Variants in ASB11 observed in about 807,000 individuals in gnomAD.
ASB11 encodes the protein ankyrin repeat and SOCS box protein 11.
Under a neutral mutation model 20.1 loss-of-function variants are expected in ASB11, and 17 were observed. The observed-to-expected ratio is 0.85, with a 90% CI of 0.58 to 1.27. ASB11 has a LOEUF of 1.27. Ranked by LOEUF, ASB11 falls within the 50% of genes most tolerant of loss-of-function variation. ASB11 has a pLI of 0.00. For synonymous variants in ASB11, 107 were observed against 105.6 expected, an observed-to-expected ratio of 1.01 and a Z score of -0.08; for missense variants, 259 against 256.9, an observed-to-expected ratio of 1.01 and a Z score of -0.06.
chrX:15,290,635 T>C (rs761212637), intron 4 of ASB11, among the ~76,000 whole-genome samples: 3 of 112,009 alleles, frequency 2.7e-5, no homozygotes, highest in Non-Finnish European at 5.6e-5. Flanking sequence ...GAGGTATTGA[T>C]GGGAGCTTGC....
chrX:15,283,797 CCTGA>C (rs1927264896), intron 6 of ASB11, among the ~76,000 whole-genome samples, 168 bp from the exon 7 acceptor site: 1 of 111,328 alleles, frequency 9.0e-6, no homozygotes, highest in African/African-American at 3.3e-5. Context: ...GACAGCAGAT[CCTGA>C]TTTGCCCCTC....
chrX:15,314,578 A>C, intron 1 of ASB11: 1 of 999,088 alleles, frequency 1.0e-6, no homozygotes, highest in Non-Finnish European at 1.3e-6. Flanking sequence ...GGAATCACAT[A>C]AGACTATTTT....
Position 15,282,066 on chromosome X carries a change from G to A in ASB11, c.*1439C>T, listed in dbSNP as rs1210771773. 1 of 110,953 alleles carries A rather than the reference G, an allele frequency of 9.0e-6. No individual in the cohort carries two copies. Among genetic ancestry groups the A allele is most frequent in the Non-Finnish European group, 1.9e-5 (1 of 52,993 alleles). The allele number at this position is 110,953 out of a possible 1,213,427, so 9.1% of individuals were successfully genotyped here. On this transcript the variant is annotated 3_prime_UTR_variant, in exon 7 of 7. Transcript: ENST00000480796. ...ATTAGCTGCATCCCTGATCTCCACC[G>A]TCTAGATGATAGTAGCAATTCTCCC...
chrX:15,314,328 A>G, intron 1 of ASB11: 1 of 907,020 alleles, frequency 1.1e-6, no homozygotes, highest in Non-Finnish European at 1.5e-6. Context: ...CAGAAGCATT[A>G]CTTTTTTTTT....
intron 1 of ASB11, among the ~76,000 whole-genome samples, chrX:15,309,606 T>C (rs1295819613): frequency 9.0e-6 from 1 of 110,844 alleles, no homozygotes; most frequent in Non-Finnish European, 1.9e-5. Flanking sequence ...AACCAGTCCC[T>C]GGTGCCAAGA....
At chrX:15,311,478 C>T (rs1171400345) in intron 1 of ASB11, among the ~76,000 whole-genome samples, 3 of 111,759 alleles carry the variant, frequency 2.7e-5, no homozygotes, top group Non-Finnish European at 5.6e-5. Flanking sequence ...AAGGCTAGGT[C>T]GAGGTTTGGG....
At chrX:15,290,174 C>T (rs761985655) in intron 4 of ASB11, among the ~76,000 whole-genome samples, 2 of 111,701 alleles carry the variant, frequency 1.8e-5, no homozygotes, top group South Asian at 7.5e-4. Flanking sequence ...CCCACTCCAG[C>T]TCCTCTTTAC....
At position 15,288,693 on chromosome X, in the gene ASB11, G is replaced by A. The variant is rs767128463; in HGVS notation, c.656-621C>T. On this transcript the variant is annotated intron_variant, in intron 5 of 6. Transcript: ENST00000480796. ...GAGGTCAGGAGTTCGAGACCAGCCTGGCCAACATGGTAAAATCCTGTCTCT... is the reference window on the plus strand; with the variant it reads ...GAGGTCAGGAGTTCGAGACCAGCCTAGCCAACATGGTAAAATCCTGTCTCT... 3.6e-5 allele frequency among the ~76,000 whole-genome samples: 4 copies of A among 110,739 alleles called. No individual in the cohort carries two copies. The East Asian group carries it at 1.1e-3, about 31-fold the overall frequency.
At chrX:15,284,605 C>G (rs1015429410) in intron 6 of ASB11, among the ~76,000 whole-genome samples, 2 of 111,728 alleles carry the variant, frequency 1.8e-5, no homozygotes, top group Non-Finnish European at 3.8e-5. Flanking sequence ...CCCTATTGTT[C>G]CCTGAAACTG....
intron 6 of ASB11, among the ~76,000 whole-genome samples, chrX:15,284,050 A>G (rs1489631476): frequency 9.2e-6 from 1 of 108,122 alleles, no homozygotes; most frequent in Non-Finnish European, 1.9e-5. Flanking sequence ...CAGGAGATGG[A>G]GACCATCCTG....
At chrX:15,298,333 G>C (rs1357205530) in intron 2 of ASB11, among the ~76,000 whole-genome samples, 1 of 111,054 alleles carries the variant, frequency 9.0e-6, no homozygotes, top group Non-Finnish European at 1.9e-5. Context: ...GAAGCAACAG[G>C]AAGTTATTTC....
At chrX:15,293,064 T>G in intron 4 of ASB11, 106 bp downstream of exon 4, 1 of 990,388 alleles carries the variant, frequency 1.0e-6, no homozygotes, top group Non-Finnish European at 1.4e-6. Flanking sequence ...ATTCTAATGG[T>G]GAGGAAGATC....
intron 6 of ASB11, among the ~76,000 whole-genome samples, chrX:15,284,168 C>T (rs12006826): frequency 2.9e-5 from 3 of 103,181 alleles, no homozygotes; most frequent in African/African-American, 1.1e-4. Context: ...AGGAGAATGG[C>T]GTGAACCCGG....
intron 3 of ASB11, among the ~76,000 whole-genome samples, chrX:15,295,903 G>T (rs1402772828): frequency 3.6e-5 from 4 of 111,684 alleles, no homozygotes; most frequent in Non-Finnish European, 7.5e-5. Context: ...CATTACCCAT[G>T]AGCTGACTGA....
chrX:15,288,031 G>A lies in ASB11; in HGVS notation c.697C>T (p.His233Tyr). 3 of 1,211,299 alleles carry A rather than the reference G, an allele frequency of 2.5e-6. No homozygotes were observed. The highest frequency in any genetic ancestry group is 3.4e-6 in the Non-Finnish European group (3 of 895,250). The change falls in exon 6 of 7, where the codon CAT becomes TAT. Residue 233 changes from histidine (H) to tyrosine (Y), a missense_variant. Physicochemically the swap from His to Tyr is moderately conservative, Grantham distance 83. Coordinates refer to ENST00000480796, the MANE Select transcript of ASB11 (RefSeq NM_080873.3). ...DHGQWLDTPL[H>Y]AAARQSNVEV... The stretch of plus-strand genomic sequence containing the variant: ...ACATTGGACTGCCTCGCTGCAGCAT[G>A]GAGTGGGGTGTCCAGCCACTGGCCA...
intron 2 of ASB11, among the ~76,000 whole-genome samples, chrX:15,301,404 G>T (rs762835647): frequency 8.9e-6 from 1 of 112,246 alleles, no homozygotes; most frequent in African/African-American, 3.2e-5. Context: ...TTTGATCATT[G>T]CTGGCAGTGC....
chrX:15,290,238 A>G (rs750693644), intron 4 of ASB11, among the ~76,000 whole-genome samples: 27 of 110,316 alleles, frequency 2.4e-4, no homozygotes, highest in Non-Finnish European at 4.7e-4. Context: ...AGTTGAAATC[A>G]CTCTCCAGAA....
intron 5 of ASB11, among the ~76,000 whole-genome samples, chrX:15,288,602 G>A (rs998305615): frequency 4.5e-5 from 5 of 111,269 alleles, no homozygotes; most frequent in Non-Finnish European, 7.5e-5. Flanking sequence ...TCATTTTTCC[G>A]GCCGGGCACA....
intron 5 of ASB11, among the ~76,000 whole-genome samples, 159 bp downstream of exon 5, chrX:15,289,345 A>G (rs140499306): frequency 4.7e-3 from 530 of 112,815 alleles, no homozygotes; most frequent in African/African-American, 0.016. Flanking sequence ...AGGACTGAGA[A>G]ATACAGACAC....
Sources: allele counts gnomAD v4.1 joint callset (sites outside exome capture counted in the v4.1 genomes callset), GRCh38; gene constraint gnomAD v4.1.1; transcripts MANE v1.5; gene names NCBI Gene and HGNC (gene_info 2026-07-23, HGNC 2026-07-21).